Variants in DERA observed in about 807,000 individuals in gnomAD.
DERA encodes 2-deoxy-D-ribose 5-phosphate aldolase.
In DERA, 15 loss-of-function variants were observed where a neutral mutation model predicts 41.1. The ratio of observed to expected loss-of-function variants is 0.37; its 90% confidence interval spans 0.24 to 0.56. DERA has a LOEUF of 0.56. Among genes scored for constraint, DERA ranks in the 20% least tolerant of loss-of-function variants. The pLI is 0.81. For missense variants in DERA, 396 were observed against 403.4 expected (o/e 0.98, Z 0.16); for synonymous variants, 139 against 137.4 (o/e 1.01, Z -0.08).
rs911146385 is a variant in DERA at position 15,966,934 on chromosome 12, C to T, written c.508+3987C>T. Reference sequence around the variant, plus strand: ...CCACCTGGACCCGGGGCCACCTGCTCCAGAACTCGTATTCCGTTGTATCAC... The same window carrying T: ...CCACCTGGACCCGGGGCCACCTGCTTCAGAACTCGTATTCCGTTGTATCAC... On this transcript the variant is annotated intron_variant, in intron 5 of 8. Coordinates refer to ENST00000428559, the MANE Select transcript of DERA (RefSeq NM_015954.4). The surrounding 1 kb of genome is among the most constrained non-coding windows in gnomAD (Gnocchi z 5.1). Among the ~76,000 whole-genome samples the T allele has an allele frequency of 6.6e-6, 1 of 152,132 alleles. No homozygotes were observed. The highest frequency in any genetic ancestry group is 6.6e-5 in the Admixed American group (1 of 15,262).
At chr12:15,939,593 A>ACACC (rs1948395031) in intron 1 of DERA, among the ~76,000 whole-genome samples, 1 of 152,212 alleles carries the variant, frequency 6.6e-6, no homozygotes, top group Non-Finnish European at 1.5e-5. Context: ...AACAGTTTCA[A>ACACC]AAACAAGAGG....
chr12:15,959,034 A>G lies in DERA; in HGVS notation c.277+699A>G, dbSNP rs952547655. Among the ~76,000 whole-genome samples, 1 of 152,152 alleles carries G rather than the reference A, an allele frequency of 6.6e-6. No individual in the cohort carries two copies. Among genetic ancestry groups the G allele is most frequent in the Non-Finnish European group, 1.5e-5 (1 of 68,032 alleles). On this transcript the variant is annotated intron_variant, in intron 3 of 8. Coordinates refer to ENST00000428559, the MANE Select transcript of DERA (RefSeq NM_015954.4). The surrounding 1 kb of genome is among the most constrained non-coding windows in gnomAD (Gnocchi z 4.5). ...GTCTCCTTCCCATGGAGTATGCTTC[A>G]TGGCCCCCGAGTGCCTATCTGCTGT... is the stretch of plus-strand genomic sequence containing the variant.
rs532013979 is a variant in DERA at position 15,911,583 on chromosome 12, C to T, written c.31+169C>T. The T allele has an allele frequency of 2.3e-5, 17 of 740,424 alleles. No individual in the cohort carries two copies. In the African/African-American group the frequency reaches 3.0e-4, roughly 13 times the overall value. The allele number at this position is 740,424 out of a possible 1,614,324, so 45.9% of individuals were successfully genotyped here. A position where few individuals can be genotyped will look rare whatever the true frequency, so the allele number is the denominator to read the frequency against. On this transcript the variant is annotated intron_variant, in intron 1 of 8. Transcript: ENST00000428559. This position sits in a 1 kb window ranked among gnomAD's most constrained non-coding sequence, Gnocchi z 4.5. ...GCCCTCACCCCAAGTAAAGGCCGAA[C>T]CCGGCACGTTCGCGCCGCTTGTCTT...
chr12:16,033,394 T>C (rs1246164358), intron 7 of DERA, among the ~76,000 whole-genome samples: 1 of 152,258 alleles, frequency 6.6e-6, no homozygotes. Context: ...GAGGAGGGTG[T>C]ATACTAGTTT....
At chr12:15,962,778 C>T in intron 4 of DERA, 35 bp from the exon 5 acceptor site, 1 of 1,509,430 alleles carries the variant, frequency 6.6e-7, no homozygotes, top group Non-Finnish European at 8.9e-7. Flanking sequence ...TTCCCTCCTT[C>T]CCTCTTTCTT....
At position 15,929,239 on chromosome 12, in the gene DERA, G is replaced by A. The variant is rs573071041; in HGVS notation, c.31+17825G>A. Reference sequence around the variant, plus strand: ...TGGAATGGGGTACTTTAAAGTTTTTGATGACTTGTCAGAGCATTTGAAAGC... The same window carrying A: ...TGGAATGGGGTACTTTAAAGTTTTTAATGACTTGTCAGAGCATTTGAAAGC... On this transcript the variant is annotated intron_variant, in intron 1 of 8. Transcript: ENST00000428559. Among the ~76,000 whole-genome samples the A allele has an allele frequency of 1.2e-4, 18 of 152,324 alleles. No homozygotes were observed. In the East Asian group the frequency reaches 2.9e-3, roughly 24 times the overall value.
rs1001261579 is a variant in DERA, at chr12:15,970,495, G to C, written c.508+7548G>C. 6.6e-6 allele frequency among the ~76,000 whole-genome samples: 1 copy of C among 152,040 alleles called. No individual in the cohort carries two copies. The highest frequency in any genetic ancestry group is 1.5e-5 in the Non-Finnish European group (1 of 68,004). On this transcript the variant is annotated intron_variant, in intron 5 of 8. Coordinates refer to ENST00000428559, the MANE Select transcript of DERA (RefSeq NM_015954.4). This position sits in a 1 kb window ranked among gnomAD's most constrained non-coding sequence, Gnocchi z 4.3. ...GCCGCTTCAAAATTGAGAAGATACCGTCCTTTCAGGTGGATCCTAGAGAGA... is the reference window on the plus strand; with the variant it reads ...GCCGCTTCAAAATTGAGAAGATACCCTCCTTTCAGGTGGATCCTAGAGAGA...
At chr12:15,961,452 G>A (rs948801531) in intron 4 of DERA, among the ~76,000 whole-genome samples, 1 of 152,130 alleles carries the variant, frequency 6.6e-6, no homozygotes, top group Non-Finnish European at 1.5e-5. Context: ...CAGGCGAGAG[G>A]ATTGATTAAA....
At chr12:15,920,110 TATAG>T (rs36097460) in intron 1 of DERA, among the ~76,000 whole-genome samples, 102,727 of 151,566 alleles carry the variant, frequency 0.68, 39,297 homozygotes, top group South Asian at 0.87. Context: ...CTGCTGAAGG[TATAG>T]ATAGAGACTC....
At position 15,940,234 on chromosome 12, in the gene DERA, T is replaced by A. The variant is rs1948399183; in HGVS notation, c.32-16702T>A. Among the ~76,000 whole-genome samples, 1 of 152,234 alleles carries A rather than the reference T, an allele frequency of 6.6e-6. No homozygotes were observed. ...TTAGATTTTTAAAATGAGTCAATAT[T>A]CAAATTAACTGATTTTCTGTTTGAG... is the stretch of plus-strand genomic sequence containing the variant. On this transcript the variant is annotated intron_variant, in intron 1 of 8. Transcript: ENST00000428559. The surrounding 1 kb of genome is among the most constrained non-coding windows in gnomAD (Gnocchi z 5.1).
At position 15,935,581 on chromosome 12, in the gene DERA, T is replaced by C. The variant is rs1047587395; in HGVS notation, c.32-21355T>C. ...TCACATATCTGTACCAGTTTCAGTG[T>C]AATTTGATTTATTTATTTTTATTAG... On this transcript the variant is annotated intron_variant, in intron 1 of 8. Transcript: ENST00000428559. This position sits in a 1 kb window ranked among gnomAD's most constrained non-coding sequence, Gnocchi z 4.8. Among the ~76,000 whole-genome samples, 2 of 152,258 alleles carry C rather than the reference T, an allele frequency of 1.3e-5. No homozygotes were observed. Among genetic ancestry groups the C allele is most frequent in the African/African-American group, 2.4e-5 (1 of 41,474 alleles).
intron 5 of DERA, among the ~76,000 whole-genome samples, chr12:15,978,007 C>T (rs1948709952): frequency 6.6e-6 from 1 of 152,184 alleles, no homozygotes; most frequent in Non-Finnish European, 1.5e-5. Flanking sequence ...TAACTCCATA[C>T]CCCACCATTG....
At chr12:15,973,923 C>T (rs1948680905) in intron 5 of DERA, among the ~76,000 whole-genome samples, 1 of 151,948 alleles carries the variant, frequency 6.6e-6, no homozygotes, top group Admixed American at 6.6e-5. Context: ...TATTTTTTAA[C>T]TTTTATTTTT....
chr12:15,969,770 G>A (rs1354651836), intron 5 of DERA, among the ~76,000 whole-genome samples: 3 of 152,146 alleles, frequency 2.0e-5, no homozygotes, highest in Non-Finnish European at 4.4e-5. Context: ...ATGGTAGAAA[G>A]AACATCTCAA....
At chr12:16,002,071 T>C (rs962586274) in intron 6 of DERA, among the ~76,000 whole-genome samples, 5 of 152,044 alleles carry the variant, frequency 3.3e-5, no homozygotes, top group Admixed American at 1.3e-4. Context: ...GCCATGTTGG[T>C]GTGCTGCACC....
intron 7 of DERA, among the ~76,000 whole-genome samples, chr12:16,033,662 A>C (rs1949108779): frequency 6.7e-6 from 1 of 148,460 alleles, no homozygotes; most frequent in African/African-American, 2.5e-5. Context: ...CATCTTTTAA[A>C]TCCAGTCTCT....
intron 1 of DERA, among the ~76,000 whole-genome samples, chr12:15,945,012 T>A (rs1948436485): frequency 6.6e-6 from 1 of 152,246 alleles, no homozygotes; most frequent in East Asian, 1.9e-4. Context: ...CTTGTTTTTG[T>A]CAGGTTTGTC....
Position 15,976,422 on chromosome 12 carries a change from C to T in DERA, c.509-5886C>T, listed in dbSNP as rs1948697829. On this transcript the variant is annotated intron_variant, in intron 5 of 8. Coordinates refer to ENST00000428559, the MANE Select transcript of DERA (RefSeq NM_015954.4). This position sits in a 1 kb window ranked among gnomAD's most constrained non-coding sequence, Gnocchi z 4.1. ...CACGTCCCCCTCACCTCGCCTCCAT[C>T]ATGTTGCCATGATGTAGCAACATGC... Among the ~76,000 whole-genome samples, 1 of 152,152 alleles carries T rather than the reference C, an allele frequency of 6.6e-6. No homozygotes were observed. The highest frequency in any genetic ancestry group is 6.5e-5 in the Admixed American group (1 of 15,278).
At chr12:15,956,546 TGC>T in intron 1 of DERA, 1 of 354,440 alleles carries the variant, frequency 2.8e-6, no homozygotes, top group South Asian at 2.2e-5. Context: ...GTTAATCATT[TGC>T]TCTCCTGGGC....
Sources: gnomAD v4.1 joint callset for allele counts (sites outside exome capture counted in the v4.1 genomes callset) on GRCh38, gnomAD v4.1.1 for gene constraint, Gnocchi (gnomAD v3.1) non-coding constraint, MANE v1.5 for transcripts, NCBI Gene and HGNC (gene_info 2026-07-23, HGNC 2026-07-21) for gene names.